The following MED15 variants were observed in gnomAD, a reference collection of about 807,000 sequenced individuals.
MED15 encodes mediator of RNA polymerase II transcription subunit 15.
In MED15, 41 loss-of-function variants were observed where a neutral mutation model predicts 118.7. The observed-to-expected ratio is 0.35, with a 90% confidence interval of 0.27 to 0.45. The LOEUF (loss-of-function observed/expected upper bound fraction) is 0.45. Ranked by LOEUF, MED15 falls within the 20% of genes least tolerant of loss-of-function variation. The pLI, the probability that MED15 is intolerant of heterozygous loss-of-function variation, is 1.00. For synonymous variants in MED15, 436 were observed against 413.9 expected (o/e 1.05, Z -0.65); for missense variants, 740 against 1,025.5 (o/e 0.72, Z 3.80).
At chr22:20,585,539 G>C in intron 16 of MED15, 189 bp from the exon 17 acceptor site, 1 of 681,686 alleles carries the variant, frequency 1.5e-6, no homozygotes, top group East Asian at 2.7e-5. Context: ...AGGACCTCTG[G>C]GCACCCATCA....
chr22:20,512,559 A>G (rs1224579311), intron 1 of MED15, among the ~76,000 whole-genome samples: 1 of 100,344 alleles, frequency 1.0e-5, no homozygotes, highest in African/African-American at 3.7e-5. Flanking sequence ...GTGGAATAGT[A>G]TTTTCTTGGG....
At chr22:20,509,318 G>C (rs2053983049) in intron 1 of MED15, among the ~76,000 whole-genome samples, 1 of 152,186 alleles carries the variant, frequency 6.6e-6, no homozygotes, top group African/African-American at 2.4e-5. Context: ...CCTGGAGATG[G>C]ATGCAGGGCA....
chr22:20,583,012 G>A (rs754984530), intron 11 of MED15, 45 bp downstream of exon 11: 1 of 1,592,068 alleles, frequency 6.3e-7, no homozygotes, highest in Admixed American at 1.7e-5. Context: ...ACCTTTATGA[G>A]GCCTCAGCTC....
intron 1 of MED15, among the ~76,000 whole-genome samples, chr22:20,536,483 A>T (rs539532357): frequency 2.0e-5 from 3 of 152,302 alleles, no homozygotes; most frequent in Admixed American, 2.0e-4. Flanking sequence ...ATCTCTTAGT[A>T]CAAAATTGTT....
At chr22:20,558,998 A>G (rs1019074491) in intron 5 of MED15, among the ~76,000 whole-genome samples, 2 of 152,042 alleles carry the variant, frequency 1.3e-5, no homozygotes, top group African/African-American at 4.8e-5. Context: ...ATATAAAGAA[A>G]TAAAGTGGAG....
chr22:20,572,540 T>A (rs1186517842), intron 8 of MED15, among the ~76,000 whole-genome samples: 2 of 152,222 alleles, frequency 1.3e-5, no homozygotes, highest in Non-Finnish European at 2.9e-5. Context: ...TGGTTCTCTT[T>A]CCAGTGTTAT....
chr22:20,535,955 G>T (rs1386141852), intron 1 of MED15, among the ~76,000 whole-genome samples: 1 of 143,256 alleles, frequency 7.0e-6, no homozygotes, highest in Non-Finnish European at 1.5e-5. Context: ...TCGGCTCACT[G>T]CAACCTCCAC....
rs1475570424 is a variant in MED15 at position 20,535,875 on chromosome 22, T to TC, written c.69-1242_69-1241insC. On this transcript the variant is annotated intron_variant, in intron 1 of 17. Coordinates refer to ENST00000263205, the MANE Select transcript of MED15 (RefSeq NM_001003891.3). ...TGCTCAGCCTGCTTCTTTCTTTCTT[T>TC]TTTTTTTTTTTTTTTTTTTTGAGAT... 8.0e-4 allele frequency among the ~76,000 whole-genome samples: 9 copies of TC among 11,188 alleles called. No homozygotes were observed. In the South Asian group the frequency reaches 0.011, roughly 13 times the overall value. The allele number at this position is 11,188 out of a possible 152,430, so 7.3% of individuals were successfully genotyped here.
In MED15 at chr22:20,582,775, C is replaced by T. The variant is rs1429097980; in HGVS notation, c.1409+28C>T. ...AGGCCTGGCCTGGGGTGCCCCTCCC[C>T]ACCTGGCCCTCGAGGCTGGCCCTGC... On this transcript the variant is annotated intron_variant, in intron 10 of 17. Coordinates refer to ENST00000263205, the MANE Select transcript of MED15 (RefSeq NM_001003891.3). 3 of 1,591,742 alleles carry T rather than the reference C, an allele frequency of 1.9e-6. No individual in the cohort carries two copies. The Admixed American group carries it at 5.1e-5, about 27-fold the overall frequency.
At chr22:20,531,851 G>A (rs1484592858) in intron 1 of MED15, among the ~76,000 whole-genome samples, 1 of 152,260 alleles carries the variant, frequency 6.6e-6, no homozygotes, top group Admixed American at 6.5e-5. Context: ...GTGGCTACAG[G>A]GTTTCTGTGC....
chr22:20,574,839 G>A (rs922499140), intron 8 of MED15: 5 of 447,560 alleles, frequency 1.1e-5, no homozygotes, highest in East Asian at 8.7e-5. Flanking sequence ...GAAGTGTGTT[G>A]AGGACACCAG....
intron 3 of MED15, chr22:20,551,718 C>T: frequency 1.7e-6 from 1 of 584,806 alleles, no homozygotes; most frequent in South Asian, 2.0e-5. Flanking sequence ...AAATGCTGTC[C>T]TCAAAGTGGT....
At chr22:20,579,550 G>A (rs1250379422) in intron 9 of MED15, among the ~76,000 whole-genome samples, 3 of 152,016 alleles carry the variant, frequency 2.0e-5, no homozygotes, top group Admixed American at 6.5e-5. Flanking sequence ...GGTGGGGATC[G>A]CGCAGTGCCG....
chr22:20,570,221 C>T (rs2056595008), intron 8 of MED15, among the ~76,000 whole-genome samples: 1 of 151,972 alleles, frequency 6.6e-6, no homozygotes, highest in African/African-American at 2.4e-5. Context: ...GACATGGTTT[C>T]ATCATGTTGG....
Position 20,585,004 on chromosome 22 carries a change from C to T in MED15, c.1953C>T (p.Gly651=). Residue 651 remains glycine (G), a synonymous_variant, in exon 15 of 18, where the codon GGC becomes GGT. Transcript: ENST00000263205. ...TTCCAGCCATGACCGCCATTCACGG[C>T]CCACCCATCACGTATGTCCAGCTGG... The part of the protein sequence containing the change: ...TFVPAMTAIH[G]PPITAPVVCT... 1 of 1,614,072 alleles carries T rather than the reference C, an allele frequency of 6.2e-7. No homozygotes were observed. The highest frequency in any genetic ancestry group is 8.5e-7 in the Non-Finnish European group (1 of 1,180,028).
chr22:20,566,324 G>T, intron 6 of MED15, 143 bp from the exon 7 acceptor site: 1 of 1,444,324 alleles, frequency 6.9e-7, no homozygotes, highest in Non-Finnish European at 9.3e-7. Flanking sequence ...ACAGGCGTGA[G>T]CCACTGCACC....
chr22:20,559,518 A>G (rs2056148207), intron 5 of MED15, among the ~76,000 whole-genome samples: 1 of 152,200 alleles, frequency 6.6e-6, no homozygotes, highest in South Asian at 2.1e-4. Flanking sequence ...TGAGGGGATA[A>G]CTACTGAGAA....
chr22:20,547,990 A>AC (rs1297310323), intron 2 of MED15, among the ~76,000 whole-genome samples: 11 of 152,192 alleles, frequency 7.2e-5, no homozygotes, highest in African/African-American at 2.4e-4. Flanking sequence ...ACAGAGTGAG[A>AC]CCCCATCTCA....
chr22:20,565,723 T>A (rs775441671), intron 6 of MED15, among the ~76,000 whole-genome samples: 2 of 152,210 alleles, frequency 1.3e-5, no homozygotes, highest in Non-Finnish European at 2.9e-5. Flanking sequence ...ACCGTGAGGC[T>A]CATGCCACTG....
Sources: gnomAD v4.1 joint callset for allele counts (sites outside exome capture counted in the v4.1 genomes callset) on GRCh38, gnomAD v4.1.1 for gene constraint, MANE v1.5 for transcripts, NCBI Gene and HGNC (gene_info 2026-07-23, HGNC 2026-07-21) for gene names.